Variants in LRPPRC observed in about 807,000 individuals in gnomAD.
LRPPRC encodes the protein leucine rich pentatricopeptide repeat containing.
In LRPPRC, 120 loss-of-function variants were observed where a neutral mutation model predicts 180.3. The observed-to-expected ratio is 0.67, with a 90% CI of 0.57 to 0.77. The LOEUF is 0.77. LRPPRC is among the 30% of genes least tolerant of loss of function. The pLI, the probability that LRPPRC is intolerant of heterozygous loss-of-function variation, is 0.00. For synonymous variants in LRPPRC, 723 were observed against 600.0 expected (o/e 1.21, Z -3.00); for missense variants, 2,012 against 1,657.2 (o/e 1.21, Z -3.72).
rs181254460 is a variant in LRPPRC, at chr2:43,969,275, G to T, written c.1369+4332C>A. On this transcript the variant is annotated intron_variant, in intron 11 of 37. Transcript: ENST00000260665. ...AAAATACAAAAGATTAGCCGGGCGT[G>T]GTGGCGGGCGCCTGTAGTCCCAGCT... Among the ~76,000 whole-genome samples the T allele has an allele frequency of 2.3e-3, 350 of 152,202 alleles. 4 individuals are homozygous for T. Among genetic ancestry groups the T allele is most frequent in the Admixed American group, 0.019 (284 of 15,292 alleles).
At chr2:43,947,129 A>C (rs1185572601) in intron 20 of LRPPRC, 128 bp downstream of exon 20, 1 of 578,370 alleles carries the variant, frequency 1.7e-6, no homozygotes, top group Non-Finnish European at 3.0e-6. Context: ...CTTTCATTTA[A>C]TTGCATTCTT....
rs1049837769 is a variant in LRPPRC, at chr2:43,935,943, C to T, written c.2505-1065G>A. ...TATTAAAAATATAAAATTAGCCGGG[C>T]GTGATGGCGCATGCCTGTAATCCCA... On this transcript the variant is annotated intron_variant, in intron 23 of 37. Coordinates refer to ENST00000260665, the MANE Select transcript of LRPPRC (RefSeq NM_133259.4). Among the ~76,000 whole-genome samples the T allele has an allele frequency of 3.3e-5, 5 of 152,048 alleles. No homozygotes were observed. In the East Asian group the frequency reaches 7.7e-4, roughly 24 times the overall value.
intron 1 of LRPPRC, 38 bp downstream of exon 1, chr2:43,995,761 C>T (rs1675025686): frequency 1.0e-5 from 14 of 1,347,112 alleles, no homozygotes; most frequent in Non-Finnish European, 1.1e-5. Flanking sequence ...GGGACCCTGG[C>T]GCCGCAGCTT....
Position 43,982,245 on chromosome 2 carries a change from G to A in LRPPRC, c.339C>T (p.Cys113=), listed in dbSNP as rs767209122. 3 of 1,566,506 alleles carry A rather than the reference G, an allele frequency of 1.9e-6. No individual in the cohort carries two copies. In the African/African-American group the frequency reaches 4.1e-5, roughly 22 times the overall value. ...CAGGAAATTTTGAAATACCTGAGCG[G>A]CAGGTATCATTAAAAACTTTTTGTA... The part of the protein sequence containing the change: ...KLLQKVFNDT[C]RSGGLGGSHA... Residue 113 remains cysteine, a synonymous_variant, in exon 2 of 38, where the codon TGC becomes TGT. Coordinates refer to ENST00000260665, the MANE Select transcript of LRPPRC (RefSeq NM_133259.4).
Position 43,901,416 on chromosome 2 carries a change from A to G in LRPPRC, c.3473T>C (p.Ile1158Thr), listed in dbSNP as rs911047642. The stretch of plus-strand genomic sequence containing the variant: ...ATTTAACATCTTCTGAACTACTTCT[A>G]TGTTTTCAACATCACCCTTCATGGC... ...ALAMKGDVEN[I>T]EVVQKMLNGL... The change falls in exon 32 of 38, where the codon ATA (isoleucine) becomes ACA (threonine). Residue 1158 changes from isoleucine to threonine, a missense_variant. Transcript: ENST00000260665. 31 of 1,613,664 alleles carry G rather than the reference A, an allele frequency of 1.9e-5. No homozygotes were observed. In the East Asian group the frequency reaches 2.7e-4, roughly 14 times the overall value.
intron 32 of LRPPRC, 122 bp downstream of exon 32, chr2:43,901,198 T>C (rs1358309299): frequency 1.4e-6 from 1 of 716,684 alleles, no homozygotes; most frequent in East Asian, 2.6e-5. Flanking sequence ...GCAACTAGCA[T>C]CAACATTTCC....
At chr2:43,934,148 C>G in intron 25 of LRPPRC, 42 bp downstream of exon 25, 1 of 1,121,870 alleles carries the variant, frequency 8.9e-7, no homozygotes, top group Non-Finnish European at 1.4e-6. Context: ...AATTAAGAGT[C>G]TAAATAGCTC....
At chr2:43,962,695 T>C (rs1673397662) in intron 12 of LRPPRC, among the ~76,000 whole-genome samples, 1 of 152,154 alleles carries the variant, frequency 6.6e-6, no homozygotes, top group Non-Finnish European at 1.5e-5. Context: ...AGTAGAAAAC[T>C]TCTGGTAGAA....
At chr2:43,992,837 T>C (rs1674846477) in intron 1 of LRPPRC, among the ~76,000 whole-genome samples, 1 of 152,168 alleles carries the variant, frequency 6.6e-6, no homozygotes. Context: ...GTGTTGGCTC[T>C]GAAGTACCTA....
At chr2:43,918,703 G>A (rs1046553347) in intron 27 of LRPPRC, among the ~76,000 whole-genome samples, 1 of 150,948 alleles carries the variant, frequency 6.6e-6, no homozygotes, top group Non-Finnish European at 1.5e-5. Flanking sequence ...CTGAGAAAGT[G>A]CCTACTGCCG....
intron 25 of LRPPRC, among the ~76,000 whole-genome samples, chr2:43,929,467 A>C (rs1439185435): frequency 6.6e-6 from 1 of 152,212 alleles, no homozygotes; most frequent in Non-Finnish European, 1.5e-5. Flanking sequence ...GTAGCAAATA[A>C]GATAGACTAG....
At chr2:43,968,190 T>C (rs1490676418) in intron 11 of LRPPRC, among the ~76,000 whole-genome samples, 4 of 152,320 alleles carry the variant, frequency 2.6e-5, no homozygotes, top group African/African-American at 7.2e-5. Context: ...AGTTGTCGCA[T>C]GTTTCTGAGC....
At chr2:43,955,294 T>G (rs1266300753) in intron 14 of LRPPRC, among the ~76,000 whole-genome samples, 1 of 151,456 alleles carries the variant, frequency 6.6e-6, no homozygotes, top group African/African-American at 2.4e-5. Context: ...ACGGTGAGAC[T>G]CCATCTCCAC....
At chr2:43,913,827 A>C (rs1671347820) in intron 29 of LRPPRC, among the ~76,000 whole-genome samples, 1 of 152,200 alleles carries the variant, frequency 6.6e-6, no homozygotes, top group Admixed American at 6.5e-5. Flanking sequence ...GAAAATAAAA[A>C]CACGCTAATA....
intron 30 of LRPPRC, 84 bp downstream of exon 30, chr2:43,912,348 A>G: frequency 8.0e-7 from 1 of 1,256,062 alleles, no homozygotes; most frequent in African/African-American, 1.5e-5. Context: ...TTTACTACAC[A>G]GCACATTACT....
At chr2:43,955,450 CA>C (rs1376640779) in intron 14 of LRPPRC, among the ~76,000 whole-genome samples, 2 of 128,186 alleles carry the variant, frequency 1.6e-5, no homozygotes, top group Non-Finnish European at 3.2e-5. Context: ...GCCTGGGTGA[CA>C]GAGCAAGACT....
chr2:43,971,485 T>TGAAAAAAAA (rs778578374), intron 11 of LRPPRC, among the ~76,000 whole-genome samples: 9 of 62,418 alleles, frequency 1.4e-4, no homozygotes, highest in Non-Finnish European at 8.5e-5. Flanking sequence ...TGTGTCACAG[T>TGAAAAAAAA]AAAAAAAAAA....
In LRPPRC at chr2:43,963,509, T is replaced by C. The variant is rs571601630; in HGVS notation, c.1488+79A>G. ...ATTTTGAGTCCTCAGTTCAATGACT[T>C]TTTTGTGTGTCAACACTAAACATTA... On this transcript the variant is annotated intron_variant, in intron 12 of 37. Transcript: ENST00000260665. 4.3e-6 allele frequency: 4 copies of C among 936,568 alleles called. No homozygotes were observed. The Admixed American group carries it at 6.8e-5, about 16-fold the overall frequency. 58.0% of individuals were successfully genotyped at this position (936,568 alleles called of 1,614,324 possible).
intron 27 of LRPPRC, among the ~76,000 whole-genome samples, chr2:43,921,360 A>G (rs1393184187): frequency 6.6e-6 from 1 of 152,202 alleles, no homozygotes; most frequent in Non-Finnish European, 1.5e-5. Context: ...AAAGTCATTC[A>G]TCAACTTCAG....
Sources: gnomAD v4.1 joint callset for allele counts (sites outside exome capture counted in the v4.1 genomes callset) on GRCh38, gnomAD v4.1.1 for gene constraint, MANE v1.5 for transcripts, NCBI Gene and HGNC (gene_info 2026-07-23, HGNC 2026-07-21) for gene names.